Variants in DLX2 observed in about 807,000 individuals in gnomAD.
DLX2 encodes distal-less homeobox 2.
In DLX2, 8 loss-of-function variants were observed where a neutral mutation model predicts 27.4. The observed-to-expected ratio is 0.29, with a 90% CI of 0.17 to 0.53. DLX2 has a LOEUF of 0.53. Ranked by LOEUF, DLX2 falls within the 20% of genes least tolerant of loss-of-function variation. The pLI is 0.96. For synonymous variants in DLX2, 210 were observed against 200.8 expected (o/e 1.05, Z -0.39); for missense variants, 421 against 450.9 (o/e 0.93, Z 0.60).
rs1240913834 is a variant in DLX2, at chr2:172,102,722, G to C, written c.-184C>G. 3.4e-6 allele frequency: 2 copies of C among 585,938 alleles called. No homozygotes were observed. Among genetic ancestry groups the C allele is most frequent in the Non-Finnish European group, 5.8e-6 (2 of 346,714 alleles). The allele number at this position is 585,938 out of a possible 1,614,324, so 36.3% of individuals were successfully genotyped here. ...GGGAGGCGATCACCGTGCGCTGCTCGGGACAGCTGCCTCTGGTCGCATCCT... is the reference window on the plus strand; with the variant it reads ...GGGAGGCGATCACCGTGCGCTGCTCCGGACAGCTGCCTCTGGTCGCATCCT... On this transcript the variant is annotated 5_prime_UTR_variant, in exon 1 of 3. Transcript: ENST00000234198.
chr2:172,100,107 A>C lies in DLX2; in HGVS notation c.*436T>G, dbSNP rs957684663. On this transcript the variant is annotated 3_prime_UTR_variant, in exon 3 of 3. Coordinates refer to ENST00000234198, the MANE Select transcript of DLX2 (RefSeq NM_004405.4). The surrounding 1 kb of genome is among the most constrained non-coding windows in gnomAD (Gnocchi z 4.5). ...GCGGGACCGGGAGGTCAATAACTGC[A>C]GCGTCCGAGCTGAGCCCAGGGGAGC... 2 of 155,652 alleles carry C rather than the reference A, an allele frequency of 1.3e-5. No homozygotes were observed. Among genetic ancestry groups the C allele is most frequent in the African/African-American group, 2.4e-5 (1 of 41,572 alleles). The allele number at this position is 155,652 out of a possible 1,614,324, so 9.6% of individuals were successfully genotyped here.
Position 172,102,224 on chromosome 2 carries a change from C to T in DLX2, c.315G>A (p.Lys105=). ...SGLNNVPYSA[K]SSYDLGYTAA... Reference sequence around the variant, plus strand: ...CGGTGTAGCCCAGGTCATAGCTGCTCTTGGCGGAGTAAGGGACGTTGTTGA... The same window carrying T: ...CGGTGTAGCCCAGGTCATAGCTGCTTTTGGCGGAGTAAGGGACGTTGTTGA... Residue 105 remains lysine, a synonymous_variant, in exon 1 of 3, where the codon AAG becomes AAA. Coordinates refer to ENST00000234198, the MANE Select transcript of DLX2 (RefSeq NM_004405.4). 1 of 1,614,180 alleles carries T rather than the reference C, an allele frequency of 6.2e-7. No individual in the cohort carries two copies. The highest frequency in any genetic ancestry group is 8.5e-7 in the Non-Finnish European group (1 of 1,180,012).
intron 2 of DLX2, 148 bp from the exon 3 acceptor site, chr2:172,101,092 G>T: frequency 2.4e-6 from 2 of 830,664 alleles, no homozygotes; most frequent in Non-Finnish European, 1.9e-6. Flanking sequence ...CACGGGCGGC[G>T]GCCTTCGAGG....
chr2:172,100,261 A>C lies in DLX2; in HGVS notation c.*282T>G. ...GACAGGCTCACCCGGAGGGGAGGGA[A>C]GGCAAGTCCGAGGCGGGGCTCGAAA... is the stretch of plus-strand genomic sequence containing the variant. On this transcript the variant is annotated 3_prime_UTR_variant, in exon 3 of 3. Transcript: ENST00000234198. The surrounding 1 kb of genome is among the most constrained non-coding windows in gnomAD (Gnocchi z 4.5). The C allele has an allele frequency of 2.6e-5, 9 of 346,366 alleles. No homozygotes were observed. Among genetic ancestry groups the C allele is most frequent in the Non-Finnish European group, 3.6e-5 (7 of 192,964 alleles). The allele number at this position is 346,366 out of a possible 1,614,324, so 21.5% of individuals were successfully genotyped here.
Position 172,102,664 on chromosome 2 carries a change from A to G in DLX2, c.-126T>C. 1 of 989,910 alleles carries G rather than the reference A, an allele frequency of 1.0e-6. No individual in the cohort carries two copies. Among genetic ancestry groups the G allele is most frequent in the Non-Finnish European group, 1.5e-6 (1 of 689,436 alleles). The allele number at this position is 989,910 out of a possible 1,614,324, so 61.3% of individuals were successfully genotyped here. A position where few individuals can be genotyped will look rare whatever the true frequency, so the allele number is the denominator to read the frequency against. ...GGGGGTGGTGGTGGGGAAACAAGAAAGGAGGCAACCGTCTAGGCGCCTCCT... is the reference window on the plus strand; with the variant it reads ...GGGGGTGGTGGTGGGGAAACAAGAAGGGAGGCAACCGTCTAGGCGCCTCCT... On this transcript the variant is annotated 5_prime_UTR_variant, in exon 1 of 3. Transcript: ENST00000234198.
chr2:172,100,887 C>G lies in DLX2; in HGVS notation c.643G>C (p.Glu215Gln). The stretch of plus-strand genomic sequence containing the variant: ...CCAGGGTGCTGCTCCGAGGGGATCT[C>G]ACCACTTTTCCACATCTTCTTGAAC... ...SKFKKMWKSG[E>Q]IPSEQHPGAS... The change falls in exon 3 of 3, where the codon GAG becomes CAG. Residue 215 changes from glutamate (E) to glutamine (Q), a missense_variant. Around this residue, in one of 5 missense-constraint regions of DLX2, gnomAD observed 185 missense variants for 171.1 expected, o/e 1.08. Coordinates refer to ENST00000234198, the MANE Select transcript of DLX2 (RefSeq NM_004405.4). The surrounding 1 kb of genome is among the most constrained non-coding windows in gnomAD (Gnocchi z 4.5). 6.2e-7 allele frequency: 1 copy of G among 1,612,972 alleles called. No individual in the cohort carries two copies. Among genetic ancestry groups the G allele is most frequent in the African/African-American group, 1.3e-5 (1 of 74,998 alleles).
Position 172,100,668 on chromosome 2 carries a change from C to A in DLX2, c.862G>T (p.Gly288Ter). The change falls in exon 3 of 3, where the codon GGA (glycine) becomes TGA (stop). Residue 288 changes from glycine to a stop codon, truncating the protein, a stop_gained. Transcript: ENST00000234198. LOFTEE classifies it high-confidence loss of function. This position sits in a 1 kb window ranked among gnomAD's most constrained non-coding sequence, Gnocchi z 4.5. ...GNYPWYHQTSGSASHLQATAP... is the reference protein window; with the variant it reads ...GNYPWYHQTS Reference sequence around the variant, plus strand: ...GTGGCCTGCAGGTGTGAGGCGGATCCCGAGGTCTGGTGGTACCAGGGGTAG... The same window carrying A: ...GTGGCCTGCAGGTGTGAGGCGGATCACGAGGTCTGGTGGTACCAGGGGTAG... 1 of 1,563,022 alleles carries A rather than the reference C, an allele frequency of 6.4e-7. No individual in the cohort carries two copies. The highest frequency in any genetic ancestry group is 1.2e-5 in the South Asian group (1 of 83,802).
intron 1 of DLX2, 129 bp from the exon 2 acceptor site, chr2:172,101,775 G>A: frequency 9.3e-7 from 1 of 1,077,188 alleles, no homozygotes; most frequent in Middle Eastern, 3.1e-4. Context: ...GGCGCCACGG[G>A]CAGGCGCAAC....
chr2:172,102,278 C>G lies in DLX2; in HGVS notation c.261G>C (p.Met87Ile). 2 of 1,613,812 alleles carry G rather than the reference C, an allele frequency of 1.2e-6. No homozygotes were observed. The highest frequency in any genetic ancestry group is 8.5e-7 in the Non-Finnish European group (1 of 1,179,920). ...CGCTGGCTTGGTACTGGTAGGAACCCATGTGCGCGTAGGGCGAGCCCCCGC... is the reference window on the plus strand; with the variant it reads ...CGCTGGCTTGGTACTGGTAGGAACCGATGTGCGCGTAGGGCGAGCCCCCGC... ...GGGGGSPYAH[M>I]GSYQYQASGL... The change falls in exon 1 of 3, where the codon ATG (methionine) becomes ATC (isoleucine). Residue 87 changes from methionine to isoleucine, a missense_variant. Coordinates refer to ENST00000234198, the MANE Select transcript of DLX2 (RefSeq NM_004405.4).
rs765015810 is a variant in DLX2 at position 172,102,090 on chromosome 2, C to G, written c.400+49G>C. The G allele has an allele frequency of 1.3e-5, 20 of 1,570,106 alleles. No homozygotes were observed. The African/African-American group carries it at 2.6e-4, about 20-fold the overall frequency. On this transcript the variant is annotated intron_variant, in intron 1 of 2. Transcript: ENST00000234198. Reference sequence around the variant, plus strand: ...GCCCCAAACACGTTTACCCATCCATCCCATTAACTAGACCGACTCGGCACT... The same window carrying G: ...GCCCCAAACACGTTTACCCATCCATGCCATTAACTAGACCGACTCGGCACT...
chr2:172,101,553 G>T lies in DLX2; in HGVS notation c.494C>A (p.Ala165Glu). 1.2e-6 allele frequency: 2 copies of T among 1,614,220 alleles called. No homozygotes were observed. Among genetic ancestry groups the T allele is most frequent in the Non-Finnish European group, 1.7e-6 (2 of 1,180,016 alleles). The change falls in exon 2 of 3, where the codon GCG becomes GAG. Residue 165 changes from alanine (A) to glutamate (E), a missense_variant. Coordinates refer to ENST00000234198, the MANE Select transcript of DLX2 (RefSeq NM_004405.4). ...PRTIYSSFQL[A>E]ALQRRFQKTQ... ...CTTTTGGAAACGCCGCTGAAGAGCC[G>T]CCAGCTGGAAACTGGAGTAGATGGT...
At position 172,100,388 on chromosome 2, in the gene DLX2, C is replaced by T. The variant is rs1231074350; in HGVS notation, c.*155G>A. ...GAGAGAGGGGCCCGTTTGGTGGCCC[C>T]GGGAGTGAGCAGGGCCTGAGACGGG... On this transcript the variant is annotated 3_prime_UTR_variant, in exon 3 of 3. Transcript: ENST00000234198. The surrounding 1 kb of genome is among the most constrained non-coding windows in gnomAD (Gnocchi z 4.5). The T allele has an allele frequency of 1.3e-5, 10 of 791,136 alleles. No individual in the cohort carries two copies. The Middle Eastern group carries it at 1.1e-3, about 90-fold the overall frequency. 49.0% of individuals were successfully genotyped at this position (791,136 alleles called of 1,614,324 possible).
rs1291916762 is a variant in DLX2, at chr2:172,102,816, T to G, written c.-278A>C. On this transcript the variant is annotated 5_prime_UTR_variant, in exon 1 of 3. Transcript: ENST00000234198. ...GCGGGCTCTGGCGGGGGGCGGGCAG[T>G]GGAGGGGGCAGGGGTGGCTGGGCCG... 1.5e-3 allele frequency: 137 copies of G among 88,676 alleles called. 1 individual carries two copies. The highest frequency in any genetic ancestry group is 3.0e-3 in the African/African-American group (42 of 13,790). The allele number at this position is 88,676 out of a possible 1,614,324, so 5.5% of individuals were successfully genotyped here.
rs767856193 is a variant in DLX2 at position 172,100,500 on chromosome 2, T to A, written c.*43A>T. On this transcript the variant is annotated 3_prime_UTR_variant, in exon 3 of 3. Coordinates refer to ENST00000234198, the MANE Select transcript of DLX2 (RefSeq NM_004405.4). The surrounding 1 kb of genome is among the most constrained non-coding windows in gnomAD (Gnocchi z 4.5). ...CCCGGCTCGGGGTAAGCAATGAGGA[T>A]AAGTGGTCTCTGCTCTCAGTCTCTG... 4.6e-6 allele frequency: 7 copies of A among 1,509,612 alleles called. No homozygotes were observed. The African/African-American group carries it at 8.8e-5, about 19-fold the overall frequency. 93.5% of individuals were successfully genotyped at this position (1,509,612 alleles called of 1,614,324 possible).
rs767052527 is a variant in DLX2 at position 172,102,796 on chromosome 2, C to T, written c.-258G>A. On this transcript the variant is annotated 5_prime_UTR_variant, in exon 1 of 3. Coordinates refer to ENST00000234198, the MANE Select transcript of DLX2 (RefSeq NM_004405.4). ...GCTCCTTGCCCAGCGCGAGCGCGGG[C>T]TCTGGCGGGGGGCGGGCAGTGGAGG... The T allele has an allele frequency of 6.1e-6, 2 of 330,252 alleles. No homozygotes were observed. The highest frequency in any genetic ancestry group is 4.7e-5 in the Admixed American group (1 of 21,372). 20.5% of individuals were successfully genotyped at this position (330,252 alleles called of 1,614,324 possible). A position where few individuals can be genotyped will look rare whatever the true frequency, so the allele number is the denominator to read the frequency against.
chr2:172,100,196 C>G lies in DLX2; in HGVS notation c.*347G>C, dbSNP rs980276871. On this transcript the variant is annotated 3_prime_UTR_variant, in exon 3 of 3. Coordinates refer to ENST00000234198, the MANE Select transcript of DLX2 (RefSeq NM_004405.4). The surrounding 1 kb of genome is among the most constrained non-coding windows in gnomAD (Gnocchi z 4.5). ...TCGCGCGCCTGGGAGGCTTCCATCT[C>G]CCGGGACCCAGCTCTCAGCCCGGGG... 1.3e-5 allele frequency: 3 copies of G among 237,986 alleles called. No homozygotes were observed. The highest frequency in any genetic ancestry group is 2.4e-5 in the Non-Finnish European group (3 of 124,230). 14.7% of individuals were successfully genotyped at this position (237,986 alleles called of 1,614,324 possible).
chr2:172,101,565 CTG>C lies in DLX2; in HGVS notation c.480_481del (p.Ser161PhefsTer54), dbSNP rs1473948856. 2 of 1,614,240 alleles carry C rather than the reference CTG, an allele frequency of 1.2e-6. No homozygotes were observed. The highest frequency in any genetic ancestry group is 1.1e-5 in the South Asian group (1 of 91,088). ...CCGCTGAAGAGCCGCCAGCTGGAAA[CTG>C]GAGTAGATGGTGCGGGGTTTCCGGA... On this transcript the variant is annotated frameshift_variant, in exon 2 of 3. Coordinates refer to ENST00000234198, the MANE Select transcript of DLX2 (RefSeq NM_004405.4). LOFTEE classifies it high-confidence loss of function.
chr2:172,100,584 C>CGTGATG lies in DLX2; in HGVS notation c.940_945dup (p.His314_His315dup), dbSNP rs763358677. The CGTGATG allele has an allele frequency of 1.3e-6, 2 of 1,579,050 alleles. No individual in the cohort carries two copies. The highest frequency in any genetic ancestry group is 1.7e-6 in the Non-Finnish European group (2 of 1,166,712). On this transcript the variant is annotated inframe_insertion, in exon 3 of 3. Transcript: ENST00000234198. This position sits in a 1 kb window ranked among gnomAD's most constrained non-coding sequence, Gnocchi z 4.5. ...GCGCTCACCGGGGCGCCCCCGCCGCCGTGATGGTGGTGGTGGTGATGCGGC... is the reference window on the plus strand; with the variant it reads ...GCGCTCACCGGGGCGCCCCCGCCGCCGTGATGGTGATGGTGGTGGTGGTGATGCGGC...
At chr2:172,101,088 C>T (rs114602098) in intron 2 of DLX2, 144 bp from the exon 3 acceptor site, 10 of 889,962 alleles carry the variant, frequency 1.1e-5, no homozygotes, top group African/African-American at 3.4e-5. Flanking sequence ...GGATCACGGG[C>T]GGCGGCCTTC....
Sources: allele counts gnomAD v4.1 joint callset, GRCh38; gene constraint gnomAD v4.1.1; regional missense constraint gnomAD v4.1.1; non-coding constraint Gnocchi (gnomAD v3.1); transcripts MANE v1.5; gene names NCBI Gene and HGNC (gene_info 2026-07-23, HGNC 2026-07-21).